The following ZCCHC10 variants were observed in gnomAD, a reference collection of about 807,000 sequenced individuals.
ZCCHC10 encodes the protein zinc finger CCHC domain-containing protein 10.
ZCCHC10 carries 16 observed loss-of-function variants against 19.5 expected under a neutral mutation model. The observed-to-expected ratio is 0.82, with a 90% CI of 0.56 to 1.25. The LOEUF (loss-of-function observed/expected upper bound fraction) is 1.25, where lower values mean the gene tolerates loss of function less well. Ranked by LOEUF, ZCCHC10 falls within the 50% of genes most tolerant of loss-of-function variation. The pLI is 0.00. For missense variants in ZCCHC10, 197 were observed against 201.0 expected (o/e 0.98, Z 0.12); for synonymous variants, 67 against 72.5 (o/e 0.92, Z 0.38).
intron 2 of ZCCHC10, among the ~76,000 whole-genome samples, chr5:133,019,354 GAAAC>G (rs1764142164): frequency 6.6e-6 from 1 of 151,990 alleles, no homozygotes; most frequent in Non-Finnish European, 1.5e-5. Flanking sequence ...ACAAAATTTC[GAAAC>G]AAACAAGATT....
intron 2 of ZCCHC10, among the ~76,000 whole-genome samples, chr5:133,022,338 T>C (rs1235083238): frequency 6.6e-6 from 1 of 152,202 alleles, no homozygotes; most frequent in Non-Finnish European, 1.5e-5. Context: ...CAGAAATTTT[T>C]TTAGCTCCAT....
chr5:132,998,985 A>C, intron 4 of ZCCHC10, 135 bp from the exon 5 acceptor site: 193 of 1,134,318 alleles, frequency 1.7e-4, no homozygotes, highest in Non-Finnish European at 2.1e-4. Flanking sequence ...GCACAATCTC[A>C]GCTCACTGCA....
chr5:133,020,331 C>G (rs1764216128), intron 2 of ZCCHC10, among the ~76,000 whole-genome samples: 2 of 151,986 alleles, frequency 1.3e-5, no homozygotes, highest in African/African-American at 4.8e-5. Flanking sequence ...GTAATCCCAG[C>G]TACTTGGGAG....
At chr5:133,000,090 T>C in intron 4 of ZCCHC10, 42 bp downstream of exon 4, 1 of 1,591,438 alleles carries the variant, frequency 6.3e-7, no homozygotes, top group African/African-American at 1.3e-5. Flanking sequence ...CGCCAATTAG[T>C]ATTACATGTT....
chr5:132,998,495 A>G lies in ZCCHC10; in HGVS notation c.*88T>C. 8.5e-7 allele frequency: 1 copy of G among 1,169,988 alleles called. No homozygotes were observed. The highest frequency in any genetic ancestry group is 1.5e-5 in the South Asian group (1 of 66,004). 72.5% of individuals were successfully genotyped at this position (1,169,988 alleles called of 1,614,324 possible). A position where few individuals can be genotyped will look rare whatever the true frequency, so the allele number is the denominator to read the frequency against. On this transcript the variant is annotated 3_prime_UTR_variant, in exon 5 of 5. Transcript: ENST00000509437. ...GAATTCTAGAAATGTTCACCAGTTA[A>G]CCTACTTGGCCTTAACATATTCTAA...
intron 2 of ZCCHC10, among the ~76,000 whole-genome samples, chr5:133,008,471 G>A (rs537407060): frequency 1.1e-3 from 159 of 146,134 alleles, no homozygotes; most frequent in Non-Finnish European, 1.8e-3. Flanking sequence ...CTGGGAGGCG[G>A]AGGTTGCAGT....
chr5:133,003,533 C>T (rs568966155), intron 3 of ZCCHC10, among the ~76,000 whole-genome samples: 24 of 152,076 alleles, frequency 1.6e-4, no homozygotes, highest in Admixed American at 5.2e-4. Flanking sequence ...TGAAAAAAAA[C>T]CCAAAAAACC....
intron 2 of ZCCHC10, among the ~76,000 whole-genome samples, chr5:133,018,263 C>T (rs1764059541): frequency 6.6e-6 from 1 of 150,926 alleles, no homozygotes; most frequent in Non-Finnish European, 1.5e-5. Flanking sequence ...TTAAAGAAAT[C>T]TTTACTCTTT....
intron 2 of ZCCHC10, among the ~76,000 whole-genome samples, chr5:133,009,544 G>A (rs1397871806): frequency 6.8e-6 from 1 of 146,460 alleles, no homozygotes; most frequent in Non-Finnish European, 1.5e-5. Context: ...ACTTAAGGAG[G>A]CAGAGGTTGC....
intron 3 of ZCCHC10, among the ~76,000 whole-genome samples, chr5:133,004,811 T>A (rs1763006677): frequency 6.6e-6 from 1 of 152,108 alleles, no homozygotes; most frequent in Non-Finnish European, 1.5e-5. Flanking sequence ...TGTTACATAT[T>A]TAACCTAGAG....
rs189800052 is a variant in ZCCHC10, at chr5:133,004,531, G to A, written c.269+2228C>T. Among the ~76,000 whole-genome samples, 1,308 of 151,376 alleles carry A rather than the reference G, an allele frequency of 8.6e-3. 11 individuals are homozygous for A. Among genetic ancestry groups the A allele is most frequent in the Non-Finnish European group, 0.013 (852 of 67,876 alleles). ...GAGACGGAGTCTCGCTCTGTCACCC[G>A]GGCTAGAGTGCAGTGGCGCGATCTC... On this transcript the variant is annotated intron_variant, in intron 3 of 4. Coordinates refer to ENST00000509437, the MANE Select transcript of ZCCHC10 (RefSeq NM_001300816.3).
At chr5:133,002,342 A>G (rs186504635) in intron 3 of ZCCHC10, among the ~76,000 whole-genome samples, 2 of 152,062 alleles carry the variant, frequency 1.3e-5, no homozygotes, top group Admixed American at 1.3e-4. Context: ...AATTAGAAAA[A>G]CAAAAGTAAA....
In ZCCHC10 at chr5:133,004,424, T is replaced by C. The variant is rs184545395; in HGVS notation, c.269+2335A>G. Among the ~76,000 whole-genome samples the C allele has an allele frequency of 6.0e-3, 913 of 152,356 alleles. 12 individuals carry two copies. Among genetic ancestry groups the C allele is most frequent in the African/African-American group, 0.021 (868 of 41,590 alleles). On this transcript the variant is annotated intron_variant, in intron 3 of 4. Transcript: ENST00000509437. ...CCCAACCTCAGGTGATCCACCCGCC[T>C]TGGCCTCCCAAAGTGCTGGGATTAC...
chr5:133,002,177 G>A lies in ZCCHC10; in HGVS notation c.270-2004C>T, dbSNP rs578168972. Among the ~76,000 whole-genome samples the A allele has an allele frequency of 2.0e-5, 3 of 151,578 alleles. No homozygotes were observed. The East Asian group carries it at 5.8e-4, about 29-fold the overall frequency. On this transcript the variant is annotated intron_variant, in intron 3 of 4. Coordinates refer to ENST00000509437, the MANE Select transcript of ZCCHC10 (RefSeq NM_001300816.3). ...AGGGTTTCACCATGTTAGCCAGGAT[G>A]GTCTCGATCTCCTGATCTTGTGATC...
At chr5:133,005,906 G>T (rs1763088247) in intron 3 of ZCCHC10, among the ~76,000 whole-genome samples, 1 of 151,440 alleles carries the variant, frequency 6.6e-6, no homozygotes, top group Non-Finnish European at 1.5e-5. Context: ...TCACAAATTG[G>T]AAGACTGTTG....
At chr5:133,007,658 G>A (rs184710779) in intron 2 of ZCCHC10, among the ~76,000 whole-genome samples, 2 of 152,110 alleles carry the variant, frequency 1.3e-5, no homozygotes, top group South Asian at 2.1e-4. Flanking sequence ...TGCCATGATT[G>A]TGAGGCCTCC....
chr5:133,007,076 A>T (rs1401039486), intron 2 of ZCCHC10, among the ~76,000 whole-genome samples, 156 bp from the exon 3 acceptor site: 1 of 152,206 alleles, frequency 6.6e-6, no homozygotes, highest in Non-Finnish European at 1.5e-5. Context: ...AATACAACAA[A>T]GTATAATAAG....
intron 2 of ZCCHC10, among the ~76,000 whole-genome samples, chr5:133,016,194 C>A (rs1231682590): frequency 6.6e-6 from 1 of 152,000 alleles, no homozygotes; most frequent in Non-Finnish European, 1.5e-5. Context: ...ATGTTTGGAG[C>A]CAACATGGGG....
chr5:133,008,178 T>C (rs566133385), intron 2 of ZCCHC10, among the ~76,000 whole-genome samples: 4 of 145,166 alleles, frequency 2.8e-5, no homozygotes, highest in African/African-American at 5.2e-5. Flanking sequence ...TGAGCCGAGA[T>C]TGCGCCACTG....
Sources: allele counts gnomAD v4.1 joint callset (sites outside exome capture counted in the v4.1 genomes callset), GRCh38; gene constraint gnomAD v4.1.1; transcripts MANE v1.5; gene names NCBI Gene and HGNC (gene_info 2026-07-23, HGNC 2026-07-21).